Variants in LDLRAD4 observed in about 807,000 individuals in gnomAD.
The protein encoded by LDLRAD4 is low-density lipoprotein receptor class A domain-containing protein 4.
In LDLRAD4, 5 loss-of-function variants were observed where a neutral mutation model predicts 17.0. The ratio of observed to expected loss-of-function variants is 0.29; its 90% CI spans 0.15 to 0.62. The LOEUF (loss-of-function observed/expected upper bound fraction) is 0.62. LDLRAD4 is among the 20% of genes least tolerant of loss of function. The pLI is 0.84. For synonymous variants in LDLRAD4, 168 were observed against 171.8 expected (o/e 0.98, Z 0.17); for missense variants, 340 against 424.7 (o/e 0.80, Z 1.75).
chr18:13,238,323 G>T (rs976034698), intron 1 of LDLRAD4, among the ~76,000 whole-genome samples: 3 of 152,170 alleles, frequency 2.0e-5, no homozygotes, highest in Non-Finnish European at 4.4e-5. Flanking sequence ...TGTTGGGCTG[G>T]TCCCCTTCAT....
At chr18:13,429,128 G>T (rs911306560) in intron 2 of LDLRAD4, among the ~76,000 whole-genome samples, 1 of 152,126 alleles carries the variant, frequency 6.6e-6, no homozygotes, top group East Asian at 1.9e-4. Context: ...TGCCATGTGC[G>T]TCGGGACATG....
intron 1 of LDLRAD4, among the ~76,000 whole-genome samples, chr18:13,344,404 A>T (rs1013597175): frequency 9.2e-5 from 14 of 152,070 alleles, no homozygotes; most frequent in Non-Finnish European, 2.9e-5. Flanking sequence ...GATGCGTGGC[A>T]TTATTTCTGA....
chr18:13,261,849 G>A lies in LDLRAD4; in HGVS notation c.-466-16256G>A, dbSNP rs187803190. On this transcript the variant is annotated intron_variant, in intron 1 of 5. Coordinates refer to the LDLRAD4 transcript ENST00000399848. Reference sequence around the variant, plus strand: ...GCGACTTGGTGGTGGGGGCGGGGGAGAGGCAGGACTGCGAGTGCCACCAGA... The same window carrying A: ...GCGACTTGGTGGTGGGGGCGGGGGAAAGGCAGGACTGCGAGTGCCACCAGA... Among the ~76,000 whole-genome samples the A allele has an allele frequency of 4.1e-3, 631 of 152,328 alleles. 1 individual carries two copies. The highest frequency in any genetic ancestry group is 7.2e-3 in the Non-Finnish European group (487 of 68,026).
chr18:13,606,070 C>T (rs1002553743), intron 3 of LDLRAD4, among the ~76,000 whole-genome samples: 3 of 152,154 alleles, frequency 2.0e-5, no homozygotes, highest in Non-Finnish European at 4.4e-5. Context: ...TCCTGACCAC[C>T]CTGTGAAGTA....
chr18:13,554,465 A>T (rs895869041), intron 3 of LDLRAD4, among the ~76,000 whole-genome samples: 2 of 151,610 alleles, frequency 1.3e-5, no homozygotes, highest in South Asian at 2.1e-4. Context: ...TTCTGTTAAT[A>T]TTTTTTTTCA....
intron 3 of LDLRAD4, among the ~76,000 whole-genome samples, chr18:13,524,380 A>C (rs1164980895): frequency 6.6e-6 from 1 of 152,208 alleles, no homozygotes; most frequent in Non-Finnish European, 1.5e-5. Context: ...AGAAAAATGC[A>C]GGTTTTTTAT....
chr18:13,393,087 C>T (rs1273987019), intron 2 of LDLRAD4, among the ~76,000 whole-genome samples: 2 of 151,992 alleles, frequency 1.3e-5, no homozygotes, highest in African/African-American at 2.4e-5. Context: ...CAGCTCCCGG[C>T]GTGCCCTTCC....
At chr18:13,258,170 G>T (rs1340225166) in intron 1 of LDLRAD4, among the ~76,000 whole-genome samples, 3 of 152,172 alleles carry the variant, frequency 2.0e-5, no homozygotes, top group Admixed American at 6.5e-5. Flanking sequence ...ATTCAGAAAA[G>T]AAATTTCACT....
intron 1 of LDLRAD4, among the ~76,000 whole-genome samples, chr18:13,247,611 C>T (rs759735116): frequency 9.2e-5 from 14 of 152,102 alleles, no homozygotes; most frequent in East Asian, 3.9e-4. Context: ...AGCCATGTTC[C>T]GCTTGTCGTG....
At chr18:13,341,548 A>G (rs1432983871) in intron 1 of LDLRAD4, among the ~76,000 whole-genome samples, 1 of 152,122 alleles carries the variant, frequency 6.6e-6, no homozygotes, top group Non-Finnish European at 1.5e-5. Context: ...GTGTATGATA[A>G]TGCAGCTGAT....
intron 2 of LDLRAD4, among the ~76,000 whole-genome samples, chr18:13,436,745 GCACC>G (rs1486319308): frequency 2.0e-5 from 3 of 152,230 alleles, no homozygotes; most frequent in Admixed American, 1.3e-4. Flanking sequence ...GGCTCCAGCA[GCACC>G]CCCACCACGT....
intron 1 of LDLRAD4, among the ~76,000 whole-genome samples, chr18:13,267,022 A>T (rs1335680647): frequency 6.6e-6 from 1 of 152,258 alleles, no homozygotes; most frequent in East Asian, 1.9e-4. Flanking sequence ...GGTTAGAATC[A>T]ACAGGGTAAT....
At chr18:13,578,827 C>CTTTTTTTTTTTTTTTTTTTTTTTGT (rs2094813335) in intron 3 of LDLRAD4, among the ~76,000 whole-genome samples, 1 of 65,676 alleles carries the variant, frequency 1.5e-5, no homozygotes, top group Non-Finnish European at 2.8e-5. Context: ...TTGTCCGGGT[C>CTTTTTTTTTTTTTTTTTTTTTTTGT]TTTTTTTTTT....
At chr18:13,625,447 C>T (rs938075984) in intron 4 of LDLRAD4, among the ~76,000 whole-genome samples, 1 of 152,112 alleles carries the variant, frequency 6.6e-6, no homozygotes, top group Non-Finnish European at 1.5e-5. Flanking sequence ...AGCGGCCCCT[C>T]GCCTCCTCTA....
intron 1 of LDLRAD4, among the ~76,000 whole-genome samples, chr18:13,271,876 C>T (rs968628671): frequency 6.6e-6 from 1 of 151,184 alleles, no homozygotes; most frequent in Non-Finnish European, 1.5e-5. Context: ...GTTTCCACCC[C>T]ACCCTCCTGT....
chr18:13,244,199 C>G (rs906434777), intron 1 of LDLRAD4, among the ~76,000 whole-genome samples: 2 of 140,742 alleles, frequency 1.4e-5, no homozygotes, highest in Non-Finnish European at 3.1e-5. Flanking sequence ...ATCCATTCAT[C>G]CATCCATCCA....
intron 3 of LDLRAD4, among the ~76,000 whole-genome samples, chr18:13,493,766 G>T (rs369844198): frequency 6.6e-6 from 1 of 152,074 alleles, no homozygotes; most frequent in Non-Finnish European, 1.5e-5. Flanking sequence ...TACTTCATCC[G>T]TGGCTGGGAA....
intron 3 of LDLRAD4, among the ~76,000 whole-genome samples, chr18:13,523,463 G>A (rs7244887): frequency 0.77 from 116,416 of 152,144 alleles, 44,957 homozygotes; most frequent in East Asian, 0.9. Flanking sequence ...CGGTACAGGC[G>A]AATGCTGAAG....
At chr18:13,296,934 TG>T (rs1457772258) in intron 1 of LDLRAD4, among the ~76,000 whole-genome samples, 3 of 152,144 alleles carry the variant, frequency 2.0e-5, no homozygotes, top group Non-Finnish European at 4.4e-5. Context: ...GGAGCCACCA[TG>T]GACTCGTTAT....
Sources: gnomAD v4.1 joint callset for allele counts (sites outside exome capture counted in the v4.1 genomes callset) on GRCh38, gnomAD v4.1.1 for gene constraint, MANE v1.5 for transcripts, NCBI Gene and HGNC (gene_info 2026-07-23, HGNC 2026-07-21) for gene names.